CHST8: variants seen among roughly 807,000 people sequenced by gnomAD.
CHST8 encodes carbohydrate sulfotransferase 8, also known as GALNAC-4-ST1.
CHST8 carries 10 observed loss-of-function variants against 15.0 expected under a neutral mutation model. That is an observed-to-expected ratio of 0.67 (90% CI 0.41 to 1.13). The LOEUF is 1.13. Among genes scored for constraint, CHST8 ranks in the 50% most tolerant of loss-of-function variants. The pLI, the probability that CHST8 is intolerant of heterozygous loss-of-function variation, is 0.00. For missense variants in CHST8, 634 were observed against 608.2 expected, an observed-to-expected ratio of 1.04 and a Z score of -0.45; for synonymous variants, 259 against 256.6, an observed-to-expected ratio of 1.01 and a Z score of -0.09.
Position 33,678,612 on chromosome 19 carries a change from T to C in CHST8, c.-86-10564T>C, listed in dbSNP as rs568203651. On this transcript the variant is annotated intron_variant, in intron 2 of 4. Transcript: ENST00000650847. The stretch of plus-strand genomic sequence containing the variant: ...AAACATTTAACCAGGCACTGTTAAA[T>C]TGAGTAGTCCCAGCTACTCAAGAGT... Among the ~76,000 whole-genome samples the C allele has an allele frequency of 3.9e-5, 6 of 152,182 alleles. 1 individual carries two copies. The highest frequency in any genetic ancestry group is 1.2e-4 in the African/African-American group (5 of 41,526).
At chr19:33,682,413 G>A (rs1294442156) in intron 2 of CHST8, among the ~76,000 whole-genome samples, 5 of 152,122 alleles carry the variant, frequency 3.3e-5, no homozygotes, top group African/African-American at 1.2e-4. Flanking sequence ...GACCTCTAGT[G>A]ATGCACCCAG....
chr19:33,724,349 G>A (rs1296458470), intron 3 of CHST8, among the ~76,000 whole-genome samples: 5 of 152,242 alleles, frequency 3.3e-5, no homozygotes, highest in African/African-American at 7.2e-5. Context: ...GCCCCCACCC[G>A]GGGGTCAGGT....
intron 3 of CHST8, among the ~76,000 whole-genome samples, chr19:33,760,493 A>ATT (rs142953366): frequency 2.0e-5 from 3 of 148,272 alleles, no homozygotes; most frequent in African/African-American, 7.5e-5. Flanking sequence ...TAATTTTTTC[A>ATT]TTTTTTTTTA....
At chr19:33,755,314 CAG>C (rs1974525251) in intron 3 of CHST8, among the ~76,000 whole-genome samples, 1 of 152,186 alleles carries the variant, frequency 6.6e-6, no homozygotes, top group Non-Finnish European at 1.5e-5. Flanking sequence ...CCCAGACAAA[CAG>C]AAAACATGCT....
chr19:33,711,071 T>C (rs1973540065), intron 3 of CHST8, among the ~76,000 whole-genome samples: 1 of 152,118 alleles, frequency 6.6e-6, no homozygotes, highest in Admixed American at 6.6e-5. Context: ...GGCATCTCAC[T>C]ATATTATCTA....
intron 3 of CHST8, among the ~76,000 whole-genome samples, chr19:33,762,371 C>T (rs1974750547): frequency 6.6e-6 from 1 of 152,250 alleles, no homozygotes; most frequent in Admixed American, 6.5e-5. Context: ...GACTGACAGG[C>T]AGCTCTGATG....
intron 3 of CHST8, among the ~76,000 whole-genome samples, chr19:33,693,181 T>G (rs892323160): frequency 4.6e-5 from 7 of 151,970 alleles, no homozygotes; most frequent in Non-Finnish European, 1.0e-4. Flanking sequence ...TAATTTTGTA[T>G]TTTTAGTAGA....
At chr19:33,721,761 G>A (rs190939732) in intron 3 of CHST8, among the ~76,000 whole-genome samples, 1 of 152,142 alleles carries the variant, frequency 6.6e-6, no homozygotes, top group Non-Finnish European at 1.5e-5. Context: ...TGGATGGAAA[G>A]TTGGACAGAT....
intron 3 of CHST8, among the ~76,000 whole-genome samples, chr19:33,701,271 C>G (rs1021607856): frequency 6.6e-6 from 1 of 152,162 alleles, no homozygotes; most frequent in Non-Finnish European, 1.5e-5. Context: ...TTCCTCCACC[C>G]CCTGCAATTG....
intron 2 of CHST8, among the ~76,000 whole-genome samples, chr19:33,687,730 G>A (rs540622952): frequency 6.6e-6 from 1 of 152,350 alleles, no homozygotes; most frequent in African/African-American, 2.4e-5. Context: ...GAACCATCTG[G>A]TCGTGGGGAG....
intron 1 of CHST8, among the ~76,000 whole-genome samples, chr19:33,645,027 T>A (rs1972332965): frequency 1.3e-5 from 2 of 152,180 alleles, no homozygotes; most frequent in Admixed American, 6.5e-5. Flanking sequence ...TGGCATCTGG[T>A]GGCTACAGCC....
At chr19:33,638,618 G>A (rs1972238148) in intron 1 of CHST8, among the ~76,000 whole-genome samples, 2 of 152,198 alleles carry the variant, frequency 1.3e-5, no homozygotes, top group Admixed American at 1.3e-4. Flanking sequence ...GCCAATTGGT[G>A]ATATTTCAAT....
chr19:33,757,494 GAA>G (rs1974601604), intron 3 of CHST8, among the ~76,000 whole-genome samples: 2 of 47,082 alleles, frequency 4.2e-5, no homozygotes, highest in Middle Eastern at 0.01. Flanking sequence ...AAGAAAGAAA[GAA>G]AGAAAGAAAG....
intron 2 of CHST8, among the ~76,000 whole-genome samples, chr19:33,673,726 A>C (rs1972773648): frequency 6.6e-6 from 1 of 152,170 alleles, no homozygotes; most frequent in Non-Finnish European, 1.5e-5. Flanking sequence ...AGGGGTCTCT[A>C]GGCTCTAGCT....
intron 3 of CHST8, among the ~76,000 whole-genome samples, chr19:33,696,218 G>A (rs1973215377): frequency 6.6e-6 from 1 of 152,158 alleles, no homozygotes; most frequent in South Asian, 2.1e-4. Flanking sequence ...AAGTATGCAT[G>A]AGCATGTGTC....
chr19:33,640,345 G>C (rs1972267573), intron 1 of CHST8, among the ~76,000 whole-genome samples: 1 of 152,178 alleles, frequency 6.6e-6, no homozygotes, highest in Non-Finnish European at 1.5e-5. Flanking sequence ...ACCCTGTGGG[G>C]ACAGTTTCAA....
chr19:33,625,770 G>A (rs1972044419), intron 1 of CHST8, among the ~76,000 whole-genome samples: 1 of 152,164 alleles, frequency 6.6e-6, no homozygotes, highest in African/African-American at 2.4e-5. Flanking sequence ...GCTGAGGCAG[G>A]AGAATCACTT....
rs73593071 is a variant in CHST8, at chr19:33,712,217, C to A, written c.130+22826C>A. ...CTAGAGCTGGGTGGCTGTTTAATCACTTCCCGTTCACCCGATTGGTGAGGG... is the reference window on the plus strand; with the variant it reads ...CTAGAGCTGGGTGGCTGTTTAATCAATTCCCGTTCACCCGATTGGTGAGGG... On this transcript the variant is annotated intron_variant, in intron 3 of 4. Transcript: ENST00000650847. Among the ~76,000 whole-genome samples the A allele has an allele frequency of 7.8e-3, 1,191 of 152,356 alleles. 16 individuals are homozygous for A. Among genetic ancestry groups the A allele is most frequent in the African/African-American group, 0.028 (1,151 of 41,580 alleles).
chr19:33,632,545 T>C (rs534241615), intron 1 of CHST8, among the ~76,000 whole-genome samples: 1 of 152,220 alleles, frequency 6.6e-6, no homozygotes, highest in East Asian at 1.9e-4. Flanking sequence ...ATTCCAAGTG[T>C]AGTACACATA....
Sources: allele counts gnomAD v4.1 joint callset (sites outside exome capture counted in the v4.1 genomes callset), GRCh38; gene constraint gnomAD v4.1.1; transcripts MANE v1.5; gene names NCBI Gene and HGNC (gene_info 2026-07-23, HGNC 2026-07-21).